The following PRKCB variants were observed in gnomAD, a reference collection of about 807,000 sequenced individuals.
PRKCB encodes protein kinase C beta, also known as protein kinase C beta type.
In PRKCB, 13 loss-of-function variants were observed where a neutral mutation model predicts 81.5. The ratio of observed to expected loss-of-function variants is 0.16; its 90% confidence interval spans 0.10 to 0.25. The LOEUF is 0.25. Among genes scored for constraint, PRKCB ranks in the 10% least tolerant of loss-of-function variants. PRKCB has a pLI of 1.00. For synonymous variants in PRKCB, 335 were observed against 321.4 expected (o/e 1.04, Z -0.45); for missense variants, 509 against 875.7 (o/e 0.58, Z 5.29).
intron 10 of PRKCB, among the ~76,000 whole-genome samples, chr16:24,158,553 T>TGTATAA (rs1427336097): frequency 6.7e-4 from 21 of 31,562 alleles, no homozygotes; most frequent in African/African-American, 1.3e-3. Context: ...TATATGTATA[T>TGTATAA]GTATATGTAT....
chr16:24,148,410 C>T (rs1967025889), intron 9 of PRKCB, among the ~76,000 whole-genome samples: 1 of 152,124 alleles, frequency 6.6e-6, no homozygotes, highest in Admixed American at 6.5e-5. Context: ...GGAACCTTGT[C>T]GTTCTGCATT....
chr16:23,958,636 C>A (rs1256558360), intron 2 of PRKCB, among the ~76,000 whole-genome samples: 1 of 152,132 alleles, frequency 6.6e-6, no homozygotes, highest in African/African-American at 2.4e-5. Context: ...CGGCACTTGG[C>A]ACTTAGGAAA....
At chr16:23,946,531 G>A (rs998492768) in intron 2 of PRKCB, among the ~76,000 whole-genome samples, 1 of 152,102 alleles carries the variant, frequency 6.6e-6, no homozygotes, top group Non-Finnish European at 1.5e-5. Flanking sequence ...ACTTTAGAGG[G>A]CTATAGGGTT....
intron 8 of PRKCB, among the ~76,000 whole-genome samples, chr16:24,113,689 T>C (rs1352279386): frequency 6.6e-6 from 1 of 152,136 alleles, no homozygotes; most frequent in African/African-American, 2.4e-5. Context: ...TTTTCCTGTT[T>C]ATGGCATGGT....
At chr16:24,056,242 A>C (rs1394974187) in intron 5 of PRKCB, among the ~76,000 whole-genome samples, 1 of 152,112 alleles carries the variant, frequency 6.6e-6, no homozygotes, top group Non-Finnish European at 1.5e-5. Context: ...CAGCTTCCTC[A>C]TTCATACCTC....
At chr16:24,177,137 A>G (rs1044733736) in intron 12 of PRKCB, among the ~76,000 whole-genome samples, 5 of 152,216 alleles carry the variant, frequency 3.3e-5, no homozygotes, top group African/African-American at 1.2e-4. Context: ...TATTGGAAGA[A>G]AATCCACTCC....
intron 3 of PRKCB, among the ~76,000 whole-genome samples, chr16:23,989,186 C>T (rs544432461): frequency 3.3e-4 from 50 of 152,206 alleles, no homozygotes; most frequent in African/African-American, 1.2e-3. Flanking sequence ...AGGATGGTCT[C>T]GATCTCCTGA....
intron 10 of PRKCB, among the ~76,000 whole-genome samples, chr16:24,170,195 T>C (rs916931527): frequency 6.6e-6 from 1 of 152,206 alleles, no homozygotes; most frequent in Non-Finnish European, 1.5e-5. Context: ...TTTTGTTCAC[T>C]GCTCTATCCT....
intron 2 of PRKCB, among the ~76,000 whole-genome samples, chr16:23,869,544 T>C (rs1412025955): frequency 6.6e-6 from 1 of 152,248 alleles, no homozygotes; most frequent in Non-Finnish European, 1.5e-5. Flanking sequence ...TATTCCATTC[T>C]AACTTACATC....
At chr16:23,918,740 A>G (rs538219512) in intron 2 of PRKCB, among the ~76,000 whole-genome samples, 1 of 152,342 alleles carries the variant, frequency 6.6e-6, no homozygotes, top group Non-Finnish European at 1.5e-5. Flanking sequence ...CTAATATCTA[A>G]TCAAATCTAA....
intron 9 of PRKCB, among the ~76,000 whole-genome samples, chr16:24,130,438 A>T (rs1222861552): frequency 6.6e-6 from 1 of 152,116 alleles, no homozygotes; most frequent in Non-Finnish European, 1.5e-5. Flanking sequence ...GTAAATGAAA[A>T]TCTCAGAATG....
intron 5 of PRKCB, among the ~76,000 whole-genome samples, chr16:24,075,722 G>C (rs1670594252): frequency 6.6e-6 from 1 of 152,182 alleles, no homozygotes; most frequent in South Asian, 2.1e-4. Context: ...CAAGGAAGTG[G>C]GTCAAAGTTA....
intron 2 of PRKCB, among the ~76,000 whole-genome samples, chr16:23,986,168 G>A (rs892578637): frequency 6.6e-6 from 1 of 152,194 alleles, no homozygotes; most frequent in African/African-American, 2.4e-5. Context: ...AAGGCTGTTT[G>A]AGGTGTACTT....
chr16:23,999,404 C>A (rs1177681439), intron 3 of PRKCB, among the ~76,000 whole-genome samples: 3 of 152,240 alleles, frequency 2.0e-5, no homozygotes, highest in African/African-American at 4.8e-5. Context: ...TGGCATTATC[C>A]TACAGCTATG....
intron 5 of PRKCB, among the ~76,000 whole-genome samples, chr16:24,041,889 C>T (rs184252973): frequency 2.7e-5 from 4 of 150,524 alleles, no homozygotes; most frequent in Non-Finnish European, 5.9e-5. Context: ...GAGGCTGAGA[C>T]AGGAGAATCG....
At chr16:24,172,919 C>A (rs1286365954) in intron 11 of PRKCB, among the ~76,000 whole-genome samples, 1 of 152,142 alleles carries the variant, frequency 6.6e-6, no homozygotes, top group African/African-American at 2.4e-5. Flanking sequence ...TAACAAACAT[C>A]GTCTCACTTA....
intron 16 of PRKCB, among the ~76,000 whole-genome samples, chr16:24,206,953 C>T (rs1293976942): frequency 1.3e-5 from 2 of 152,214 alleles, no homozygotes; most frequent in Admixed American, 6.5e-5. Flanking sequence ...TGTTTTGAGA[C>T]AGGGTCTCAC....
At chr16:24,092,067 A>T (rs908155442) in intron 5 of PRKCB, among the ~76,000 whole-genome samples, 3 of 152,232 alleles carry the variant, frequency 2.0e-5, no homozygotes, top group African/African-American at 7.2e-5. Context: ...ATTCAGTGAC[A>T]TTTATAGAAT....
intron 5 of PRKCB, among the ~76,000 whole-genome samples, chr16:24,079,438 T>TAATGA (rs1966221791): frequency 6.6e-6 from 1 of 152,182 alleles, no homozygotes; most frequent in African/African-American, 2.4e-5. Flanking sequence ...CCAGCCCCCC[T>TAATGA]TTTACACAAT....
Sources: gnomAD v4.1 joint callset for allele counts (sites outside exome capture counted in the v4.1 genomes callset) on GRCh38, gnomAD v4.1.1 for gene constraint, MANE v1.5 for transcripts, NCBI Gene and HGNC (gene_info 2026-07-23, HGNC 2026-07-21) for gene names.